The following MKX variants were observed in gnomAD, a reference collection of about 807,000 sequenced individuals.
MKX encodes mohawk homeobox.
MKX carries 13 observed loss-of-function variants against 36.0 expected under a neutral mutation model. That is an observed-to-expected ratio of 0.36 (90% confidence interval 0.24 to 0.57). The LOEUF (loss-of-function observed/expected upper bound fraction) is 0.57. Ranked by LOEUF, MKX falls within the 20% of genes least tolerant of loss-of-function variation. The probability of loss-of-function intolerance (pLI) is 0.79; values close to 1 mark genes in which losing one functional copy is unlikely to be tolerated. For synonymous variants in MKX, 176 were observed against 178.3 expected, an observed-to-expected ratio of 0.99 and a Z score of 0.10; for missense variants, 458 against 456.4, an observed-to-expected ratio of 1.00 and a Z score of -0.03.
chr10:27,716,123 A>G (rs1836959432), intron 5 of MKX, among the ~76,000 whole-genome samples: 1 of 152,200 alleles, frequency 6.6e-6, no homozygotes, highest in Non-Finnish European at 1.5e-5. Flanking sequence ...TAAAATAAGG[A>G]TAGTAATATG....
chr10:27,740,316 G>C (rs368993340), intron 3 of MKX, among the ~76,000 whole-genome samples: 9 of 152,194 alleles, frequency 5.9e-5, no homozygotes, highest in African/African-American at 1.4e-4. Flanking sequence ...TAATGCTACC[G>C]CAATGTGCAA....
intron 5 of MKX, among the ~76,000 whole-genome samples, chr10:27,682,973 G>A (rs1836281490): frequency 1.3e-5 from 2 of 148,840 alleles, no homozygotes; most frequent in Non-Finnish European, 3.0e-5. Flanking sequence ...AACAGAGCTA[G>A]ACTCGGTCTC....
rs1554772225 is a variant in MKX at position 27,711,499 on chromosome 10, T to TTCCTTCCTTCCTTCC, written c.838+22956_838+22957insGGAAGGAAGGAAGGA. On this transcript the variant is annotated intron_variant, in intron 5 of 6. Coordinates refer to ENST00000419761, the MANE Select transcript of MKX (RefSeq NM_173576.3). ...TCTTTCTTTCTCTCTCTCTCTCTTC[T>TTCCTTCCTTCCTTCC]TTCCTTCCTTCCTTCCTTCCTTCCT... 9.5e-3 allele frequency among the ~76,000 whole-genome samples: 880 copies of TTCCTTCCTTCCTTCC among 92,812 alleles called. 25 individuals carry two copies. Among genetic ancestry groups the TTCCTTCCTTCCTTCC allele is most frequent in the African/African-American group, 0.016 (308 of 19,242 alleles). 60.9% of individuals were successfully genotyped at this position (92,812 alleles called of 152,430 possible). A position where few individuals can be genotyped will look rare whatever the true frequency, so the allele number is the denominator to read the frequency against.
chr10:27,744,678 G>A lies in MKX; in HGVS notation c.-83+1029C>T, dbSNP rs1835007991. ...CCTTTGCCCGTCCAGCCGCGGCATG[G>A]GCTGCTACTCCACTAACACACGCGC... is the stretch of plus-strand genomic sequence containing the variant. On this transcript the variant is annotated intron_variant, in intron 1 of 6. Transcript: ENST00000419761. This position sits in a 1 kb window ranked among gnomAD's most constrained non-coding sequence, Gnocchi z 5.6. The A allele has an allele frequency of 6.5e-6, 1 of 152,768 alleles. No homozygotes were observed. Among genetic ancestry groups the A allele is most frequent in the Non-Finnish European group, 1.5e-5 (1 of 68,806 alleles). The allele number at this position is 152,768 out of a possible 1,614,324, so 9.5% of individuals were successfully genotyped here. A position where few individuals can be genotyped will look rare whatever the true frequency, so the allele number is the denominator to read the frequency against.
intron 5 of MKX, among the ~76,000 whole-genome samples, chr10:27,715,417 A>G (rs1044125140): frequency 3.9e-5 from 6 of 152,150 alleles, no homozygotes; most frequent in African/African-American, 1.2e-4. Flanking sequence ...GGATGAAATA[A>G]ATTTTAGACT....
intron 5 of MKX, among the ~76,000 whole-genome samples, chr10:27,682,667 ATTAG>A (rs1159060341): frequency 6.6e-6 from 1 of 152,158 alleles, no homozygotes; most frequent in Non-Finnish European, 1.5e-5. Flanking sequence ...ATCATCAGGC[ATTAG>A]TTAGATTCTC....
At chr10:27,682,660 A>G (rs1589652572) in intron 5 of MKX, among the ~76,000 whole-genome samples, 1 of 152,170 alleles carries the variant, frequency 6.6e-6, no homozygotes, top group East Asian at 1.9e-4. Flanking sequence ...ACCTCGGATC[A>G]TCAGGCATTA....
chr10:27,709,298 T>C (rs1291775165), intron 5 of MKX, among the ~76,000 whole-genome samples: 3 of 152,324 alleles, frequency 2.0e-5, no homozygotes, highest in Non-Finnish European at 4.4e-5. Flanking sequence ...TATTAGGTAC[T>C]ATAAGTGATC....
At position 27,743,399 on chromosome 10, in the gene MKX, A is replaced by G. The variant is rs1232141994; in HGVS notation, c.17T>C (p.Phe6Ser). Residue 6 changes from phenylalanine to serine, a missense_variant, in exon 2 of 7, where the codon TTC becomes TCC. Phe to Ser is a radical substitution (Grantham distance 155, BLOSUM62 -2). Transcript: ENST00000419761. ...CAGCACCGCACCGCTGAGCTTGTTG[A>G]AGACGATGGTGTTCATGGTGTCGGT... MNTIVFNKLSGAVLFE... is the reference protein window; with the variant it reads MNTIVSNKLSGAVLFE... 1.3e-6 allele frequency: 2 copies of G among 1,564,318 alleles called. No homozygotes were observed. The highest frequency in any genetic ancestry group is 1.7e-6 in the Non-Finnish European group (2 of 1,157,742).
At chr10:27,708,741 C>T (rs1035860315) in intron 5 of MKX, among the ~76,000 whole-genome samples, 5 of 89,434 alleles carry the variant, frequency 5.6e-5, no homozygotes, top group Admixed American at 1.9e-4. Context: ...AAAAAAAAAA[C>T]GACTATTGCC....
intron 3 of MKX, among the ~76,000 whole-genome samples, chr10:27,736,789 T>A: frequency 6.6e-6 from 1 of 152,288 alleles, no homozygotes; most frequent in South Asian, 2.1e-4. Flanking sequence ...ATGTATTTAA[T>A]ATTCAATATA....
intron 3 of MKX, among the ~76,000 whole-genome samples, chr10:27,739,697 T>C (rs1834853392): frequency 6.6e-6 from 1 of 152,182 alleles, no homozygotes; most frequent in Non-Finnish European, 1.5e-5. Flanking sequence ...TGTCCTAAAA[T>C]ATGTCATCAA....
At position 27,711,475 on chromosome 10, in the gene MKX, CTT is replaced by C. The variant is rs748002201; in HGVS notation, c.838+22979_838+22980del. On this transcript the variant is annotated intron_variant, in intron 5 of 6. Transcript: ENST00000419761. ...TCTTTCTTTCTTTCTTTCTTTCTTTCTTTCTTTCTCTCTCTCTCTCTTCTTTC... is the reference window on the plus strand; with the variant it reads ...TCTTTCTTTCTTTCTTTCTTTCTTTCTCTTTCTCTCTCTCTCTCTTCTTTC... Among the ~76,000 whole-genome samples, 292 of 34,760 alleles carry C rather than the reference CTT, an allele frequency of 8.4e-3. 1 individual carries two copies. Among genetic ancestry groups the C allele is most frequent in the East Asian group, 0.064 (38 of 596 alleles). The allele number at this position is 34,760 out of a possible 152,430, so 22.8% of individuals were successfully genotyped here. A position where few individuals can be genotyped will look rare whatever the true frequency, so the allele number is the denominator to read the frequency against.
At position 27,673,923 on chromosome 10, in the gene MKX, A is replaced by T. The variant is rs1836095056; in HGVS notation, c.*1306T>A. 6.6e-6 allele frequency: 1 copy of T among 152,240 alleles called. No individual in the cohort carries two copies. The highest frequency in any genetic ancestry group is 1.5e-5 in the Non-Finnish European group (1 of 68,018). The allele number at this position is 152,240 out of a possible 1,614,324, so 9.4% of individuals were successfully genotyped here. ...CCCAGAAAAAAAAAATCCCATCATA[A>T]AAAGTCAAACCCTTTTTACTTCTCT... On this transcript the variant is annotated 3_prime_UTR_variant, in exon 7 of 7. Coordinates refer to ENST00000419761, the MANE Select transcript of MKX (RefSeq NM_173576.3).
At position 27,676,354 on chromosome 10, in the gene MKX, G is replaced by T. The variant is rs543172768; in HGVS notation, c.839-800C>A. Among the ~76,000 whole-genome samples the T allele has an allele frequency of 2.2e-3, 334 of 150,672 alleles. 2 individuals carry two copies. Among genetic ancestry groups the T allele is most frequent in the African/African-American group, 7.1e-3 (293 of 41,006 alleles). On this transcript the variant is annotated intron_variant, in intron 5 of 6. Transcript: ENST00000419761. The stretch of plus-strand genomic sequence containing the variant: ...GGCTCAATGATTCTATAATTTCATG[G>T]TTATCAAATTTTCTTTTTTCTTTTT...
At chr10:27,739,792 C>T (rs1589698831) in intron 3 of MKX, among the ~76,000 whole-genome samples, 1 of 152,232 alleles carries the variant, frequency 6.6e-6, no homozygotes, top group East Asian at 1.9e-4. Context: ...TGTTTCATTG[C>T]TGACATCACT....
intron 3 of MKX, among the ~76,000 whole-genome samples, chr10:27,736,388 T>C (rs1212025654): frequency 1.3e-5 from 2 of 152,178 alleles, no homozygotes; most frequent in African/African-American, 2.4e-5. Flanking sequence ...CCATTCTTTT[T>C]TTTTTAAAGA....
intron 5 of MKX, among the ~76,000 whole-genome samples, chr10:27,732,043 G>A (rs1834642388): frequency 6.6e-6 from 1 of 151,920 alleles, no homozygotes; most frequent in Non-Finnish European, 1.5e-5. Flanking sequence ...GTATTATAGT[G>A]TTTCCACAAT....
At position 27,673,819 on chromosome 10, in the gene MKX, G is replaced by A. The variant is rs1191687449; in HGVS notation, c.*1410C>T. ...AGCATTTTGCAAAATAAAGAAAAAT[G>A]TCACCACTGGCTGCACTATTGACCC... is the stretch of plus-strand genomic sequence containing the variant. On this transcript the variant is annotated 3_prime_UTR_variant, in exon 7 of 7. Coordinates refer to ENST00000419761, the MANE Select transcript of MKX (RefSeq NM_173576.3). 1 of 152,140 alleles carries A rather than the reference G, an allele frequency of 6.6e-6. No homozygotes were observed. The highest frequency in any genetic ancestry group is 1.5e-5 in the Non-Finnish European group (1 of 67,922). The allele number at this position is 152,140 out of a possible 1,614,324, so 9.4% of individuals were successfully genotyped here.
Sources: gnomAD v4.1 joint callset for allele counts (sites outside exome capture counted in the v4.1 genomes callset) on GRCh38, gnomAD v4.1.1 for gene constraint, Gnocchi (gnomAD v3.1) non-coding constraint, MANE v1.5 for transcripts, NCBI Gene and HGNC (gene_info 2026-07-23, HGNC 2026-07-21) for gene names.